The following ANKS1B variants were observed in gnomAD, a reference collection of about 807,000 sequenced individuals.
ANKS1B encodes the protein ankyrin repeat and sterile alpha motif domain containing 1B, also known as ankyrin repeat and sterile alpha motif domain-containing protein 1B.
In ANKS1B, 36 loss-of-function variants were observed where a neutral mutation model predicts 148.3. The observed-to-expected ratio is 0.24, with a 90% CI of 0.19 to 0.32. The LOEUF is 0.32. ANKS1B is among the 10% of genes least tolerant of loss of function. The pLI is 1.00. For missense variants in ANKS1B, 1,157 were observed against 1,542.6 expected, an observed-to-expected ratio of 0.75 and a Z score of 4.19; for synonymous variants, 542 against 560.8, an observed-to-expected ratio of 0.97 and a Z score of 0.47.
At chr12:98,858,046 C>T (rs572398) in intron 17 of ANKS1B, among the ~76,000 whole-genome samples, 31,839 of 151,998 alleles carry the variant, frequency 0.21, 4,138 homozygotes, top group East Asian at 0.5. Context: ...CTCAGGTTCC[C>T]GATAATGTTT....
At chr12:98,763,475 C>T (rs1320543989) in intron 25 of ANKS1B, among the ~76,000 whole-genome samples, 1 of 152,152 alleles carries the variant, frequency 6.6e-6, no homozygotes, top group Non-Finnish European at 1.5e-5. Context: ...TTCTTTAGGG[C>T]TAATTTTGGC....
At chr12:99,411,562 A>G (rs780107311) in intron 11 of ANKS1B, among the ~76,000 whole-genome samples, 1 of 152,202 alleles carries the variant, frequency 6.6e-6, no homozygotes, top group Admixed American at 6.5e-5. Flanking sequence ...CTTTGGGTCT[A>G]TATCAACCTG....
At chr12:99,427,180 A>G (rs1484979031) in intron 11 of ANKS1B, among the ~76,000 whole-genome samples, 1 of 152,166 alleles carries the variant, frequency 6.6e-6, no homozygotes. Context: ...GATCTTTTAA[A>G]AATGTAGATC....
intron 14 of ANKS1B, among the ~76,000 whole-genome samples, chr12:99,163,846 C>T (rs1227035421): frequency 3.9e-5 from 6 of 151,996 alleles, no homozygotes; most frequent in African/African-American, 1.2e-4. Context: ...ATGGATGTAC[C>T]GCACCATTTA....
intron 1 of ANKS1B, among the ~76,000 whole-genome samples, chr12:99,943,856 C>T (rs1391214759): frequency 1.3e-5 from 2 of 152,024 alleles, no homozygotes; most frequent in Admixed American, 1.3e-4. Flanking sequence ...ATGTGCAGAA[C>T]ATGCAGGTTA....
At chr12:98,735,743 C>A in intron 9 of ANKS1B, 1 of 514,236 alleles carries the variant, frequency 1.9e-6, no homozygotes. Flanking sequence ...ATTGGGAACA[C>A]AGGAGTGAGC....
chr12:99,384,340 T>G (rs2093770725), intron 12 of ANKS1B, among the ~76,000 whole-genome samples: 1 of 152,192 alleles, frequency 6.6e-6, no homozygotes. Context: ...CTTTAAAATG[T>G]TGACAATACC....
chr12:99,604,883 G>T (rs2097840700), intron 9 of ANKS1B, among the ~76,000 whole-genome samples: 1 of 150,430 alleles, frequency 6.6e-6, no homozygotes, highest in Non-Finnish European at 1.5e-5. Flanking sequence ...TTACATACTT[G>T]TGAACAAAAA....
chr12:99,460,214 G>C (rs1203260536), intron 10 of ANKS1B, among the ~76,000 whole-genome samples: 1 of 152,018 alleles, frequency 6.6e-6, no homozygotes, highest in Non-Finnish European at 1.5e-5. Flanking sequence ...GGCAAGCCAC[G>C]TAAAAGAATG....
At chr12:99,725,281 A>G (rs2058503980) in intron 8 of ANKS1B, among the ~76,000 whole-genome samples, 1 of 152,228 alleles carries the variant, frequency 6.6e-6, no homozygotes, top group Admixed American at 6.5e-5. Context: ...TCAAAGACAT[A>G]CATAGGCTCA....
chr12:99,055,558 G>A (rs907713303), intron 16 of ANKS1B, among the ~76,000 whole-genome samples: 7 of 152,122 alleles, frequency 4.6e-5, no homozygotes, highest in Admixed American at 1.3e-4. Context: ...GTTGATGGTC[G>A]GTGGTGGCCA....
chr12:99,499,170 C>G (rs537003986), intron 10 of ANKS1B, among the ~76,000 whole-genome samples: 149 of 152,320 alleles, frequency 9.8e-4, no homozygotes, highest in Non-Finnish European at 1.4e-3. Flanking sequence ...TACATAGAAA[C>G]TGTTTTGATC....
At chr12:99,551,403 CT>C (rs2097216180) in intron 9 of ANKS1B, among the ~76,000 whole-genome samples, 2 of 152,024 alleles carry the variant, frequency 1.3e-5, no homozygotes, top group African/African-American at 4.8e-5. Flanking sequence ...CATCAAAGCA[CT>C]TTTCACATTG....
intron 8 of ANKS1B, among the ~76,000 whole-genome samples, chr12:99,698,635 CAAT>C (rs979018893): frequency 6.6e-6 from 1 of 152,124 alleles, no homozygotes; most frequent in Non-Finnish European, 1.5e-5. Context: ...CTACAGCAAA[CAAT>C]AAGTTCCTTT....
At chr12:99,260,180 T>C (rs1346437247) in intron 12 of ANKS1B, among the ~76,000 whole-genome samples, 1 of 152,088 alleles carries the variant, frequency 6.6e-6, no homozygotes, top group Admixed American at 6.5e-5. Flanking sequence ...GGATTATGAA[T>C]GTGAAAAAAG....
intron 17 of ANKS1B, among the ~76,000 whole-genome samples, chr12:98,854,201 A>G (rs2099548852): frequency 6.6e-6 from 1 of 152,246 alleles, no homozygotes; most frequent in South Asian, 2.1e-4. Context: ...ACAGTTGCTT[A>G]ATGTAGACCA....
intron 9 of ANKS1B, among the ~76,000 whole-genome samples, chr12:99,635,102 T>G (rs2098219631): frequency 6.6e-6 from 1 of 152,046 alleles, no homozygotes. Context: ...TCAAAAAAGC[T>G]AAGTAAGTGT....
At chr12:98,776,591 C>G (rs768582209) in intron 24 of ANKS1B, among the ~76,000 whole-genome samples, 3 of 152,186 alleles carry the variant, frequency 2.0e-5, no homozygotes, top group Non-Finnish European at 4.4e-5. Flanking sequence ...ATTCTCGGGT[C>G]CAGCTAACTC....
chr12:98,870,647 A>G (rs1023219831), intron 17 of ANKS1B, among the ~76,000 whole-genome samples: 1 of 152,192 alleles, frequency 6.6e-6, no homozygotes, highest in African/African-American at 2.4e-5. Context: ...CGAGGTGGTG[A>G]CGCCCTAACC....
Sources: allele counts gnomAD v4.1 joint callset (sites outside exome capture counted in the v4.1 genomes callset), GRCh38; gene constraint gnomAD v4.1.1; transcripts MANE v1.5; gene names NCBI Gene and HGNC (gene_info 2026-07-23, HGNC 2026-07-21).